The following ADGRL3 variants were observed in gnomAD, a reference collection of about 807,000 sequenced individuals.
ADGRL3 encodes the protein adhesion G protein-coupled receptor L3, also known as calcium-independent alpha-latrotoxin receptor 3.
ADGRL3 carries 62 observed loss-of-function variants against 153.5 expected under a neutral mutation model. That is an observed-to-expected ratio of 0.40 (90% CI 0.33 to 0.50). The LOEUF is 0.50. Ranked by LOEUF, ADGRL3 falls within the 20% of genes least tolerant of loss-of-function variation. The probability of loss-of-function intolerance (pLI) is 0.47; values close to 1 mark genes in which losing one functional copy is unlikely to be tolerated. For missense variants in ADGRL3, 1,641 were observed against 1,859.4 expected (o/e 0.88, Z 2.16); for synonymous variants, 710 against 672.5 (o/e 1.06, Z -0.86).
In ADGRL3 at chr4:61,585,284, T is replaced by C. The variant is rs1309134867; in HGVS notation, c.260-1943T>C. On this transcript the variant is annotated intron_variant, in intron 4 of 26. Coordinates refer to ENST00000683033, the MANE Select transcript of ADGRL3 (RefSeq NM_001387552.1). ...GCTAAGAAGTTTTGCCTAGGGTCTA[T>C]GGTACAGTCCTACTTTTTCAAAAAT... Among the ~76,000 whole-genome samples the C allele has an allele frequency of 5.9e-5, 9 of 152,046 alleles. No homozygotes were observed. The East Asian group carries it at 1.7e-3, about 29-fold the overall frequency.
chr4:62,004,019 G>A (rs989109105), intron 21 of ADGRL3, among the ~76,000 whole-genome samples: 1 of 151,990 alleles, frequency 6.6e-6, no homozygotes, highest in African/African-American at 2.4e-5. Context: ...TCTTAAGAAG[G>A]TAACCTTTAC....
intron 6 of ADGRL3, among the ~76,000 whole-genome samples, chr4:61,681,722 T>G (rs2095340366): frequency 1.3e-5 from 2 of 152,094 alleles, no homozygotes; most frequent in African/African-American, 4.8e-5. Context: ...ATCTAAATAT[T>G]TAATTATAAA....
At chr4:61,430,739 A>G (rs550166254) in intron 2 of ADGRL3, among the ~76,000 whole-genome samples, 1 of 152,242 alleles carries the variant, frequency 6.6e-6, no homozygotes, top group East Asian at 1.9e-4. Context: ...ATTGCCCCTT[A>G]TATAATATGG....
chr4:61,888,449 T>C (rs953368622), intron 9 of ADGRL3, among the ~76,000 whole-genome samples: 1 of 152,252 alleles, frequency 6.6e-6, no homozygotes, highest in African/African-American at 2.4e-5. Flanking sequence ...CAGTGACTGT[T>C]CAGCAAATCT....
intron 15 of ADGRL3, among the ~76,000 whole-genome samples, chr4:61,938,683 G>T (rs2098850851): frequency 6.6e-6 from 1 of 151,874 alleles, no homozygotes. Context: ...TGTGTCACTA[G>T]CTCCTCATCT....
chr4:62,023,277 C>G (rs867693549), intron 21 of ADGRL3, among the ~76,000 whole-genome samples: 9 of 152,164 alleles, frequency 5.9e-5, no homozygotes, highest in African/African-American at 2.2e-4. Flanking sequence ...TTTCTGCAAT[C>G]TCATCATCAA....
intron 21 of ADGRL3, among the ~76,000 whole-genome samples, chr4:62,000,469 A>G (rs947054365): frequency 5.3e-5 from 8 of 152,076 alleles, no homozygotes; most frequent in African/African-American, 7.2e-5. Flanking sequence ...GAAAAAATCA[A>G]TAATTATATT....
intron 4 of ADGRL3, among the ~76,000 whole-genome samples, chr4:61,540,305 T>C (rs909846327): frequency 2.6e-5 from 4 of 152,072 alleles, no homozygotes; most frequent in Non-Finnish European, 5.9e-5. Context: ...TCCCAGCACT[T>C]TGGGAGGCCA....
intron 5 of ADGRL3, among the ~76,000 whole-genome samples, chr4:61,662,251 C>A (rs1033893989): frequency 6.6e-6 from 1 of 152,206 alleles, no homozygotes; most frequent in Admixed American, 6.5e-5. Context: ...CAGGAGGAGC[C>A]CTACCCTCCC....
At chr4:61,856,333 C>T (rs187203585) in intron 9 of ADGRL3, among the ~76,000 whole-genome samples, 1 of 150,296 alleles carries the variant, frequency 6.7e-6, no homozygotes, top group African/African-American at 2.5e-5. Flanking sequence ...CTTTCTCCCT[C>T]TCTCCCTCCC....
chr4:61,669,729 T>A (rs978341073), intron 5 of ADGRL3, among the ~76,000 whole-genome samples: 1 of 152,206 alleles, frequency 6.6e-6, no homozygotes, highest in African/African-American at 2.4e-5. Context: ...TAATAAGTGC[T>A]AATATAAACT....
At chr4:61,461,044 T>C (rs2097807493) in intron 2 of ADGRL3, among the ~76,000 whole-genome samples, 2 of 152,166 alleles carry the variant, frequency 1.3e-5, no homozygotes, top group African/African-American at 4.8e-5. Flanking sequence ...CACTCCAGCC[T>C]GGGTGACAGA....
intron 4 of ADGRL3, among the ~76,000 whole-genome samples, chr4:61,551,305 G>T (rs941017247): frequency 6.6e-6 from 1 of 152,034 alleles, no homozygotes; most frequent in African/African-American, 2.4e-5. Context: ...AAGTTTTGTA[G>T]TCAGTGAAAA....
At chr4:61,661,429 A>G (rs918169257) in intron 5 of ADGRL3, among the ~76,000 whole-genome samples, 1 of 152,130 alleles carries the variant, frequency 6.6e-6, no homozygotes, top group African/African-American at 2.4e-5. Context: ...AAGGGAGACT[A>G]TATTCTTGAA....
intron 9 of ADGRL3, among the ~76,000 whole-genome samples, chr4:61,875,612 A>G (rs541845636): frequency 6.6e-6 from 1 of 152,242 alleles, no homozygotes; most frequent in South Asian, 2.1e-4. Context: ...TGAAAGGGTA[A>G]TACTAAAAAG....
At chr4:61,606,893 G>GGAAT (rs1269538661) in intron 5 of ADGRL3, among the ~76,000 whole-genome samples, 2 of 152,104 alleles carry the variant, frequency 1.3e-5, no homozygotes, top group Non-Finnish European at 2.9e-5. Context: ...GGGTGGTTGT[G>GGAAT]GAATGAATGG....
At chr4:61,980,102 A>G (rs1484774895) in intron 18 of ADGRL3, among the ~76,000 whole-genome samples, 1 of 152,128 alleles carries the variant, frequency 6.6e-6, no homozygotes, top group African/African-American at 2.4e-5. Flanking sequence ...CATTTTCAAC[A>G]TCCTCCACCA....
intron 1 of ADGRL3, among the ~76,000 whole-genome samples, chr4:61,244,629 C>T (rs777794788): frequency 2.8e-4 from 43 of 151,904 alleles, no homozygotes; most frequent in Admixed American, 7.2e-4. Context: ...TGTTATGGAA[C>T]GGCTGTACCC....
intron 1 of ADGRL3, among the ~76,000 whole-genome samples, chr4:61,256,977 C>G (rs537724104): frequency 6.6e-6 from 1 of 152,176 alleles, no homozygotes; most frequent in East Asian, 1.9e-4. Context: ...CACATAAAAT[C>G]AAATTTTAGC....
Sources: gnomAD v4.1 joint callset for allele counts (sites outside exome capture counted in the v4.1 genomes callset) on GRCh38, gnomAD v4.1.1 for gene constraint, MANE v1.5 for transcripts, NCBI Gene and HGNC (gene_info 2026-07-23, HGNC 2026-07-21) for gene names.